NAV2: variants seen among roughly 807,000 people sequenced by gnomAD.
NAV2 encodes the protein helicase, APC down-regulated 1.
Under a neutral mutation model 223.2 loss-of-function variants are expected in NAV2, and 54 were observed. The ratio of observed to expected loss-of-function variants is 0.24; its 90% CI spans 0.19 to 0.30. The LOEUF (loss-of-function observed/expected upper bound fraction) is 0.30, where lower values mean the gene tolerates loss of function less well. Among genes scored for constraint, NAV2 ranks in the 10% least tolerant of loss-of-function variants. The pLI is 1.00. For missense variants in NAV2, 2,806 were observed against 3,147.5 expected (o/e 0.89, Z 2.60); for synonymous variants, 1,279 against 1,239.3 (o/e 1.03, Z -0.67).
chr11:20,048,384 A>G (rs1467046375), intron 14 of NAV2, among the ~76,000 whole-genome samples: 1 of 152,192 alleles, frequency 6.6e-6, no homozygotes, highest in Non-Finnish European at 1.5e-5. Context: ...GGGCCAGGGC[A>G]GTTTTCTAGT....
chr11:19,417,791 T>C (rs2133457794), intron 1 of NAV2, among the ~76,000 whole-genome samples: 2 of 152,002 alleles, frequency 1.3e-5, no homozygotes, highest in South Asian at 4.2e-4. Flanking sequence ...TATGCAGCCA[T>C]AAAAAAGGAT....
At chr11:19,385,825 G>C (rs953020707) in intron 1 of NAV2, among the ~76,000 whole-genome samples, 9 of 143,268 alleles carry the variant, frequency 6.3e-5, no homozygotes, top group African/African-American at 2.4e-4. Flanking sequence ...GCATTGGCAC[G>C]ATCTCGGCTC....
intron 1 of NAV2, chr11:19,503,071 A>G (rs899416706): frequency 2.6e-5 from 4 of 152,238 alleles, no homozygotes; most frequent in African/African-American, 9.6e-5. Context: ...TGTGGACACA[A>G]AGTACTGTGT....
At chr11:19,525,108 G>A (rs550227986) in intron 1 of NAV2, among the ~76,000 whole-genome samples, 5 of 152,212 alleles carry the variant, frequency 3.3e-5, no homozygotes, top group Non-Finnish European at 5.9e-5. Flanking sequence ...AAGCTAAAGT[G>A]CAGTGTGTCC....
chr11:19,471,142 T>G (rs1427254045), intron 1 of NAV2, among the ~76,000 whole-genome samples: 1 of 152,184 alleles, frequency 6.6e-6, no homozygotes, highest in Admixed American at 6.5e-5. Context: ...CCCCTAGCAC[T>G]CCTGGCCACA....
intron 3 of NAV2, among the ~76,000 whole-genome samples, chr11:19,851,879 G>C (rs1354924665): frequency 6.7e-6 from 1 of 149,698 alleles, no homozygotes; most frequent in African/African-American, 2.4e-5. Context: ...GGCCCAATGT[G>C]ATTACAAGCA....
At chr11:19,653,450 C>T (rs995259114) in intron 1 of NAV2, among the ~76,000 whole-genome samples, 2 of 152,146 alleles carry the variant, frequency 1.3e-5, no homozygotes, top group Non-Finnish European at 2.9e-5. Flanking sequence ...TGTGAGCTCA[C>T]GAATATTCCT....
intron 20 of NAV2, among the ~76,000 whole-genome samples, chr11:20,065,668 G>T (rs1258044109): frequency 1.3e-5 from 2 of 152,196 alleles, no homozygotes; most frequent in Non-Finnish European, 2.9e-5. Context: ...GTTGATAATT[G>T]GGGCCCAACC....
At chr11:19,911,165 T>A (rs560947004) in intron 6 of NAV2, among the ~76,000 whole-genome samples, 1 of 152,052 alleles carries the variant, frequency 6.6e-6, no homozygotes, top group East Asian at 1.9e-4. Context: ...ATGTGCCAGA[T>A]GCTGTGCTTG....
intron 1 of NAV2, among the ~76,000 whole-genome samples, chr11:19,568,592 G>T (rs1480726765): frequency 6.6e-6 from 1 of 152,246 alleles, no homozygotes; most frequent in Non-Finnish European, 1.5e-5. Flanking sequence ...GTCAGACCCT[G>T]CTAAGCACTT....
chr11:20,009,399 G>C (rs1378017192), intron 11 of NAV2, among the ~76,000 whole-genome samples: 1 of 152,150 alleles, frequency 6.6e-6, no homozygotes, highest in Non-Finnish European at 1.5e-5. Flanking sequence ...TGAACTCAAT[G>C]GTGTCTGAAC....
chr11:19,527,536 C>T (rs1590414025), intron 1 of NAV2, among the ~76,000 whole-genome samples: 2 of 152,080 alleles, frequency 1.3e-5, no homozygotes, highest in East Asian at 3.9e-4. Flanking sequence ...CAATGAGCTT[C>T]AACTTTCCAG....
At chr11:19,514,701 C>A (rs2043387407) in intron 1 of NAV2, among the ~76,000 whole-genome samples, 1 of 152,180 alleles carries the variant, frequency 6.6e-6, no homozygotes, top group East Asian at 1.9e-4. Flanking sequence ...GAGAAACTTC[C>A]AACGCCAGGC....
intron 1 of NAV2, among the ~76,000 whole-genome samples, chr11:19,451,678 C>G (rs1425067008): frequency 6.6e-6 from 1 of 152,188 alleles, no homozygotes; most frequent in Non-Finnish European, 1.5e-5. Context: ...AATTGAAAGG[C>G]CTGCCTGTCC....
chr11:19,948,379 G>A (rs74599424), intron 9 of NAV2, among the ~76,000 whole-genome samples: 3,242 of 152,238 alleles, frequency 0.021, 52 homozygotes, highest in Middle Eastern at 0.034. Flanking sequence ...ATCTGGCCTG[G>A]AAAGTGAGCC....
chr11:19,879,733 T>G (rs113824014), intron 4 of NAV2, 136 bp from the exon 5 acceptor site: 2 of 1,000,446 alleles, frequency 2.0e-6, no homozygotes, highest in Non-Finnish European at 3.0e-6. Flanking sequence ...CTGATTTTAA[T>G]TGCCTGTGAT....
chr11:20,066,920 G>A (rs1244917163), intron 20 of NAV2, among the ~76,000 whole-genome samples: 1 of 152,194 alleles, frequency 6.6e-6, no homozygotes, highest in African/African-American at 2.4e-5. Context: ...CCAGGAAGGA[G>A]GAGGGTTCCT....
At chr11:19,647,662 C>T (rs1212737317) in intron 1 of NAV2, among the ~76,000 whole-genome samples, 1 of 152,130 alleles carries the variant, frequency 6.6e-6, no homozygotes, top group Non-Finnish European at 1.5e-5. Context: ...CTTGCTGTGT[C>T]TGTAGCCAGT....
chr11:19,454,506 G>A (rs10833113), intron 1 of NAV2, among the ~76,000 whole-genome samples: 75,639 of 151,964 alleles, frequency 0.5, 20,234 homozygotes, highest in Non-Finnish European at 0.6. Flanking sequence ...TAGACGAAGT[G>A]TCCTGGACTG....
Sources: gnomAD v4.1 joint callset for allele counts (sites outside exome capture counted in the v4.1 genomes callset) on GRCh38, gnomAD v4.1.1 for gene constraint, MANE v1.5 for transcripts, NCBI Gene and HGNC (gene_info 2026-07-23, HGNC 2026-07-21) for gene names.